The following GID4 variants were observed in gnomAD, a reference collection of about 807,000 sequenced individuals.
GID4 encodes the protein GID complex subunit 4 homolog.
In GID4, 7 loss-of-function variants were observed where a neutral mutation model predicts 32.4. That is an observed-to-expected ratio of 0.22 (90% confidence interval 0.12 to 0.41). The LOEUF is 0.41. Among genes scored for constraint, GID4 ranks in the 10% least tolerant of loss-of-function variants. GID4 has a pLI of 1.00. For missense variants in GID4, 309 were observed against 400.0 expected, an observed-to-expected ratio of 0.77 and a Z score of 1.94; for synonymous variants, 166 against 170.0, an observed-to-expected ratio of 0.98 and a Z score of 0.18.
chr17:18,042,945 C>G (rs1049576153), intron 1 of GID4, among the ~76,000 whole-genome samples: 6 of 152,124 alleles, frequency 3.9e-5, no homozygotes, highest in African/African-American at 1.4e-4. Context: ...GGAGTACTTT[C>G]TTTTCTGTGA....
At chr17:18,047,419 T>G (rs1187791548) in intron 2 of GID4, among the ~76,000 whole-genome samples, 2 of 152,236 alleles carry the variant, frequency 1.3e-5, no homozygotes, top group Non-Finnish European at 1.5e-5. Context: ...ATTTGGGTGA[T>G]AACAAGCTGC....
chr17:18,063,970 T>C (rs562525440), intron 5 of GID4, among the ~76,000 whole-genome samples: 1 of 152,352 alleles, frequency 6.6e-6, no homozygotes, highest in African/African-American at 2.4e-5. Flanking sequence ...CTCGAACTCC[T>C]GACCTCAGGT....
intron 2 of GID4, among the ~76,000 whole-genome samples, chr17:18,048,242 C>T (rs1210088523): frequency 6.6e-6 from 1 of 151,984 alleles, no homozygotes; most frequent in Non-Finnish European, 1.5e-5. Flanking sequence ...GTCACCCAGG[C>T]TGGAGTGCAG....
In GID4 at chr17:18,039,731, G is replaced by C; in HGVS notation, c.267G>C (p.Glu89Asp). 2 of 1,522,648 alleles carry C rather than the reference G, an allele frequency of 1.3e-6. No homozygotes were observed. The highest frequency in any genetic ancestry group is 2.7e-5 in the East Asian group (1 of 36,844). The allele number at this position is 1,522,648 out of a possible 1,614,324, so 94.3% of individuals were successfully genotyped here. A position where few individuals can be genotyped will look rare whatever the true frequency, so the allele number is the denominator to read the frequency against. Residue 89 changes from glutamate (E) to aspartate (D), a missense_variant, in exon 1 of 6, where the codon GAG becomes GAC. Around this residue, in one of 2 missense-constraint regions of GID4, gnomAD observed 193 missense variants for 185.8 expected, o/e 1.04. Transcript: ENST00000268719. The surrounding 1 kb of genome is among the most constrained non-coding windows in gnomAD (Gnocchi z 5.3). Reference protein sequence around the residue: ...PGDPAMPVRTECPPPAGASAA... With the variant: ...PGDPAMPVRTDCPPPAGASAA... ...ACCCCGCGATGCCGGTCCGCACCGA[G>C]TGTCCCCCGCCGGCCGGTGCCTCCG... is the stretch of plus-strand genomic sequence containing the variant.
rs2045073042 is a variant in GID4, at chr17:18,067,269, C to T, written c.*2026C>T. ...CCAGGCCTGTGAGGGATATAGGCCT[C>T]CCCTTGGAGCACTGAGTCCGGAGGT... On this transcript the variant is annotated 3_prime_UTR_variant, in exon 6 of 6. Transcript: ENST00000268719. 6.6e-6 allele frequency: 1 copy of T among 152,298 alleles called. No individual in the cohort carries two copies. The highest frequency in any genetic ancestry group is 1.5e-5 in the Non-Finnish European group (1 of 68,102). The allele number at this position is 152,298 out of a possible 1,614,324, so 9.4% of individuals were successfully genotyped here.
chr17:18,055,409 C>A (rs1192873442), intron 3 of GID4, among the ~76,000 whole-genome samples: 4 of 152,154 alleles, frequency 2.6e-5, no homozygotes, highest in Non-Finnish European at 5.9e-5. Context: ...GAGAGAACTC[C>A]CGCAGACCCT....
In GID4 at chr17:18,058,153, T is replaced by G. The variant is rs1404946551; in HGVS notation, c.607-715T>G. On this transcript the variant is annotated intron_variant, in intron 3 of 5. Transcript: ENST00000268719. ...CAGTGGATGTATAGATTTTTTGTTC[T>G]TGATATTTTTCCCTGAACGATACAG... Among the ~76,000 whole-genome samples the G allele has an allele frequency of 2.0e-5, 3 of 152,222 alleles. No individual in the cohort carries two copies. In the East Asian group the frequency reaches 5.8e-4, roughly 29 times the overall value.
intron 4 of GID4, among the ~76,000 whole-genome samples, chr17:18,059,407 G>T (rs2044999244): frequency 6.6e-6 from 1 of 152,136 alleles, no homozygotes; most frequent in South Asian, 2.1e-4. Flanking sequence ...CCGTGGGCCA[G>T]GTGCCCTCCA....
At chr17:18,056,999 A>T (rs550035662) in intron 3 of GID4, 1 of 1,547,856 alleles carries the variant, frequency 6.5e-7, no homozygotes, top group South Asian at 1.2e-5. Flanking sequence ...CACTTCACCT[A>T]GGCTGTCATT....
intron 2 of GID4, among the ~76,000 whole-genome samples, chr17:18,047,502 G>A (rs1473501727): frequency 1.3e-5 from 2 of 152,214 alleles, no homozygotes; most frequent in Admixed American, 6.5e-5. Flanking sequence ...GCTCTCCATC[G>A]GGAACAAGTA....
chr17:18,039,695 G>A lies in GID4; in HGVS notation c.231G>A (p.Leu77=). 1 of 1,470,086 alleles carries A rather than the reference G, an allele frequency of 6.8e-7. No homozygotes were observed. The highest frequency in any genetic ancestry group is 9.0e-7 in the Non-Finnish European group (1 of 1,109,998). 91.1% of individuals were successfully genotyped at this position (1,470,086 alleles called of 1,614,324 possible). A position where few individuals can be genotyped will look rare whatever the true frequency, so the allele number is the denominator to read the frequency against. ...AAVPLPLPPA[L]APGDPAMPVR... ...TTCCTCTCCCACTCCCCCCAGCCCTGGCTCCGGGGGACCCCGCGATGCCGG... is the reference window on the plus strand; with the variant it reads ...TTCCTCTCCCACTCCCCCCAGCCCTAGCTCCGGGGGACCCCGCGATGCCGG... Residue 77 remains leucine, a synonymous_variant, in exon 1 of 6, where the codon CTG becomes CTA. Transcript: ENST00000268719. This position sits in a 1 kb window ranked among gnomAD's most constrained non-coding sequence, Gnocchi z 5.3.
Position 18,065,442 on chromosome 17 carries a change from C to T in GID4, c.*199C>T, listed in dbSNP as rs985692365. ...TGGGGCAGGTGGAGGGAGCAGTCTT[C>T]GTTCTTCCTCCCCTCAGTGGCAGTT... On this transcript the variant is annotated 3_prime_UTR_variant, in exon 6 of 6. Coordinates refer to ENST00000268719, the MANE Select transcript of GID4 (RefSeq NM_024052.5). The T allele has an allele frequency of 1.4e-5, 8 of 591,018 alleles. No homozygotes were observed. The highest frequency in any genetic ancestry group is 1.3e-4 in the African/African-American group (7 of 53,620). 36.6% of individuals were successfully genotyped at this position (591,018 alleles called of 1,614,324 possible).
At chr17:18,050,540 C>T (rs1440798309) in intron 2 of GID4, among the ~76,000 whole-genome samples, 2 of 152,170 alleles carry the variant, frequency 1.3e-5, no homozygotes, top group Non-Finnish European at 2.9e-5. Flanking sequence ...GTTGGAAGCT[C>T]CAGCTGAAGT....
At chr17:18,044,973 A>C (rs1452875605) in intron 1 of GID4, among the ~76,000 whole-genome samples, 174 bp from the exon 2 acceptor site, 2 of 152,230 alleles carry the variant, frequency 1.3e-5, no homozygotes, top group African/African-American at 4.8e-5. Context: ...CTTTGGCAGA[A>C]CAGGCATGTG....
At chr17:18,051,874 A>G (rs1287573522) in intron 2 of GID4, among the ~76,000 whole-genome samples, 2 of 152,104 alleles carry the variant, frequency 1.3e-5, no homozygotes, top group Non-Finnish European at 2.9e-5. Context: ...GGAGATCAAG[A>G]CCGTCCTGGC....
Position 18,061,797 on chromosome 17 carries a change from G to T in GID4, c.709-48G>T. ...GATGCTTAACAGGGAGGCCCCGTGG[G>T]TGGTCAGAGAATGCTATCTGTTACT... On this transcript the variant is annotated intron_variant, in intron 4 of 5. Coordinates refer to ENST00000268719, the MANE Select transcript of GID4 (RefSeq NM_024052.5). The surrounding 1 kb of genome is among the most constrained non-coding windows in gnomAD (Gnocchi z 4.4). 1 of 1,603,038 alleles carries T rather than the reference G, an allele frequency of 6.2e-7. No individual in the cohort carries two copies. The highest frequency in any genetic ancestry group is 8.5e-7 in the Non-Finnish European group (1 of 1,170,920).
At chr17:18,064,972 A>C (rs774671012) in intron 5 of GID4, among the ~76,000 whole-genome samples, 1 of 152,194 alleles carries the variant, frequency 6.6e-6, no homozygotes, top group Admixed American at 6.5e-5. Flanking sequence ...AAAAACATTC[A>C]TCTAGTGCAT....
chr17:18,046,039 C>T (rs2044850255), intron 2 of GID4, among the ~76,000 whole-genome samples: 3 of 152,148 alleles, frequency 2.0e-5, no homozygotes, highest in Admixed American at 1.3e-4. Context: ...GAGGAGCATC[C>T]TTTCTTTTCC....
At chr17:18,063,075 AAAATAAAT>A (rs140677914) in intron 5 of GID4, among the ~76,000 whole-genome samples, 10,119 of 123,506 alleles carry the variant, frequency 0.082, 930 homozygotes, top group East Asian at 0.27. Flanking sequence ...CACCATCTCA[AAAATAAAT>A]AAATAAATAA....
Sources: gnomAD v4.1 joint callset for allele counts (sites outside exome capture counted in the v4.1 genomes callset) on GRCh38, gnomAD v4.1.1 for gene constraint, gnomAD v4.1.1 regional missense constraint, Gnocchi (gnomAD v3.1) non-coding constraint, MANE v1.5 for transcripts, NCBI Gene and HGNC (gene_info 2026-07-23, HGNC 2026-07-21) for gene names.